The following POU2F3 variants were observed in gnomAD, a reference collection of about 807,000 sequenced individuals.
POU2F3 encodes the protein POU class 2 homeobox 3, also known as POU domain, class 2, transcription factor 3.
POU2F3 carries 23 observed loss-of-function variants against 59.2 expected under a neutral mutation model. The ratio of observed to expected loss-of-function variants is 0.39; its 90% CI spans 0.28 to 0.55. The LOEUF is 0.55. Ranked by LOEUF, POU2F3 falls within the 20% of genes least tolerant of loss-of-function variation. The pLI, the probability that POU2F3 is intolerant of heterozygous loss-of-function variation, is 0.66. For missense variants in POU2F3, 473 were observed against 544.5 expected (o/e 0.87, Z 1.31); for synonymous variants, 190 against 214.6 (o/e 0.89, Z 1.00).
chr11:120,266,529 A>G (rs1939832552), intron 2 of POU2F3, among the ~76,000 whole-genome samples: 2 of 151,586 alleles, frequency 1.3e-5, no homozygotes. Context: ...TCCCATGCCA[A>G]CTCTCCATCA....
At chr11:120,236,789 A>T (rs1938513578), upstream of POU2F3, 1 of 1,309,300 alleles carries the variant, frequency 7.6e-7, no homozygotes, top group South Asian at 1.3e-5. Context: ...AGGAATAAAG[A>T]TTGCTCACCA....
chr11:120,286,987 C>A (rs1201430783), intron 3 of POU2F3, among the ~76,000 whole-genome samples: 3 of 152,120 alleles, frequency 2.0e-5, no homozygotes, highest in Admixed American at 2.0e-4. Context: ...TGGAGATGTC[C>A]CTCCTAGATG....
At chr11:120,252,606 TGTG>T (rs1220661626) in intron 2 of POU2F3, among the ~76,000 whole-genome samples, 1 of 152,202 alleles carries the variant, frequency 6.6e-6, no homozygotes, top group African/African-American at 2.4e-5. Flanking sequence ...GCCTGCAGAC[TGTG>T]GCTCCATGTG....
At chr11:120,258,702 A>G (rs566229130) in intron 2 of POU2F3, among the ~76,000 whole-genome samples, 2 of 152,240 alleles carry the variant, frequency 1.3e-5, no homozygotes, top group East Asian at 3.9e-4. Flanking sequence ...GGGAACTTGG[A>G]TCTTTTGGCC....
chr11:120,264,190 TACACACACACACACACAC>T (rs35186745), intron 2 of POU2F3, among the ~76,000 whole-genome samples: 131 of 133,124 alleles, frequency 9.8e-4, no homozygotes, highest in Admixed American at 2.0e-3. Context: ...TAAGACCTCA[TACACACACACACACACAC>T]ACACACACAC....
chr11:120,316,176 T>A (rs1848142109), intron 11 of POU2F3, among the ~76,000 whole-genome samples: 1 of 152,156 alleles, frequency 6.6e-6, no homozygotes, highest in South Asian at 2.1e-4. Flanking sequence ...ACTCAGCCCC[T>A]TCCACTTTTC....
Position 120,272,441 on chromosome 11 carries a change from G to A in POU2F3, c.132+3197G>A, listed in dbSNP as rs557817343. Among the ~76,000 whole-genome samples the A allele has an allele frequency of 6.9e-4, 105 of 152,320 alleles. 1 individual carries two copies. The highest frequency in any genetic ancestry group is 2.5e-3 in the African/African-American group (102 of 41,570). Reference sequence around the variant, plus strand: ...TGACCTCACCATGACTAACTGGGAGGAAATGGGAGGTAGAAGGAGTAGGGA... The same window carrying A: ...TGACCTCACCATGACTAACTGGGAGAAAATGGGAGGTAGAAGGAGTAGGGA... On this transcript the variant is annotated intron_variant, in intron 3 of 12. Coordinates refer to ENST00000543440, the MANE Select transcript of POU2F3 (RefSeq NM_014352.4).
intron 12 of POU2F3, 35 bp downstream of exon 12, chr11:120,317,399 C>G: frequency 6.2e-7 from 1 of 1,612,318 alleles, no homozygotes; most frequent in Non-Finnish European, 8.5e-7. Context: ...GACATCCCAG[C>G]AGGGCCAAGG....
chr11:120,307,001 C>T (rs193123481), intron 8 of POU2F3, among the ~76,000 whole-genome samples: 61 of 152,364 alleles, frequency 4.0e-4, no homozygotes, highest in Non-Finnish European at 6.0e-4. Context: ...AGGAAAATGA[C>T]TCCAACACCA....
intron 11 of POU2F3, among the ~76,000 whole-genome samples, chr11:120,316,404 C>G (rs1056811911): frequency 6.6e-6 from 1 of 152,142 alleles, no homozygotes; most frequent in African/African-American, 2.4e-5. Flanking sequence ...TCCCCTCACT[C>G]CCAGTTCATT....
chr11:120,292,233 C>T (rs1941048547), intron 3 of POU2F3, among the ~76,000 whole-genome samples: 1 of 152,108 alleles, frequency 6.6e-6, no homozygotes, highest in East Asian at 1.9e-4. Context: ...AAGGATGGGT[C>T]CTGAAGTCAG....
At chr11:120,318,264 AG>A in intron 12 of POU2F3, 88 bp from the exon 13 acceptor site, 1 of 1,270,022 alleles carries the variant, frequency 7.9e-7, no homozygotes, top group Admixed American at 1.8e-5. Flanking sequence ...TACCTGCAAA[AG>A]CCCCTGTACC....
chr11:120,274,063 GAGAA>G (rs1027780860), intron 3 of POU2F3, among the ~76,000 whole-genome samples: 4 of 142,110 alleles, frequency 2.8e-5, no homozygotes, highest in Non-Finnish European at 4.6e-5. Flanking sequence ...GAAAGAAAGA[GAGAA>G]AGAAAGAAAA....
chr11:120,282,792 T>C (rs1940624665), intron 3 of POU2F3, among the ~76,000 whole-genome samples: 1 of 152,224 alleles, frequency 6.6e-6, no homozygotes, highest in Non-Finnish European at 1.5e-5. Flanking sequence ...ATTTTTATGT[T>C]TATATTTTCC....
chr11:120,238,189 G>A (rs1194935249), upstream of POU2F3, among the ~76,000 whole-genome samples: 1 of 152,106 alleles, frequency 6.6e-6, no homozygotes, highest in Non-Finnish European at 1.5e-5. Flanking sequence ...GCCGTGAGCC[G>A]AGATGATGCC....
chr11:120,268,056 TC>T (rs1242890277), intron 2 of POU2F3, among the ~76,000 whole-genome samples: 1 of 151,958 alleles, frequency 6.6e-6, no homozygotes, highest in Non-Finnish European at 1.5e-5. Context: ...TCATGGTATA[TC>T]CATATAATAT....
At chr11:120,302,265 T>C (rs1330120705) in intron 5 of POU2F3, 21 bp from the exon 6 acceptor site, 1 of 1,564,674 alleles carries the variant, frequency 6.4e-7, no homozygotes, top group East Asian at 2.2e-5. Context: ...TCTGTTCCTT[T>C]GTCCCTCCCC....
At chr11:120,262,586 T>G (rs759769687) in intron 2 of POU2F3, among the ~76,000 whole-genome samples, 1 of 152,260 alleles carries the variant, frequency 6.6e-6, no homozygotes, top group East Asian at 1.9e-4. Context: ...AATCCCTCAT[T>G]TAATTCTCAC....
At chr11:120,257,328 G>A (rs1939382698) in intron 2 of POU2F3, among the ~76,000 whole-genome samples, 1 of 151,936 alleles carries the variant, frequency 6.6e-6, no homozygotes, top group African/African-American at 2.4e-5. Context: ...CTTTGCTTTG[G>A]TTTTGTTCCT....
Sources: allele counts gnomAD v4.1 joint callset (sites outside exome capture counted in the v4.1 genomes callset), GRCh38; gene constraint gnomAD v4.1.1; transcripts MANE v1.5; gene names NCBI Gene and HGNC (gene_info 2026-07-23, HGNC 2026-07-21).